The following MARK1 variants were observed in gnomAD, a reference collection of about 807,000 sequenced individuals.
MARK1 encodes the protein microtubule affinity regulating kinase 1, also known as serine/threonine-protein kinase MARK1.
A neutral mutation model predicts 96.3 loss-of-function variants in MARK1; 40 were observed. That is an observed-to-expected ratio of 0.42 (90% confidence interval 0.32 to 0.54). The LOEUF (loss-of-function observed/expected upper bound fraction) is 0.54, where lower values mean the gene tolerates loss of function less well. Among genes scored for constraint, MARK1 ranks in the 20% least tolerant of loss-of-function variants. The pLI is 0.16. For synonymous variants in MARK1, 317 were observed against 341.2 expected, an observed-to-expected ratio of 0.93 and a Z score of 0.78; for missense variants, 719 against 984.6, an observed-to-expected ratio of 0.73 and a Z score of 3.61.
intron 6 of MARK1, among the ~76,000 whole-genome samples, chr1:220,613,598 ATCTT>A (rs1666577826): frequency 6.6e-6 from 1 of 152,198 alleles, no homozygotes; most frequent in Admixed American, 6.5e-5. Flanking sequence ...ATACGAAATA[ATCTT>A]ATAATATGAA....
At chr1:220,649,554 A>G (rs1295024225) in intron 13 of MARK1, among the ~76,000 whole-genome samples, 1 of 152,206 alleles carries the variant, frequency 6.6e-6, no homozygotes, top group Non-Finnish European at 1.5e-5. Context: ...TTACCTAAAC[A>G]TTTTAATAAT....
intron 9 of MARK1, chr1:220,626,514 C>G (rs1667344046): frequency 5.7e-6 from 3 of 521,912 alleles, no homozygotes; most frequent in African/African-American, 1.9e-5. Flanking sequence ...GGTTAGGTTG[C>G]TTCAATCTGA....
chr1:220,543,674 A>G (rs1661294354), intron 1 of MARK1, among the ~76,000 whole-genome samples: 1 of 152,190 alleles, frequency 6.6e-6, no homozygotes, highest in Admixed American at 6.5e-5. Context: ...ATTACCTAGC[A>G]TAGTGTTTGG....
chr1:220,622,808 C>G (rs531619552), intron 9 of MARK1, among the ~76,000 whole-genome samples: 17 of 152,096 alleles, frequency 1.1e-4, no homozygotes, highest in Non-Finnish European at 1.6e-4. Flanking sequence ...TTGCTTGAGC[C>G]CAGGAGGTTG....
At chr1:220,630,859 C>A (rs906139675) in intron 9 of MARK1, among the ~76,000 whole-genome samples, 176 bp from the exon 10 acceptor site, 1 of 152,018 alleles carries the variant, frequency 6.6e-6, no homozygotes, top group Non-Finnish European at 1.5e-5. Flanking sequence ...GGGAGATAGT[C>A]ATAGTTGTTG....
chr1:220,552,560 A>C (rs958122641), intron 1 of MARK1, among the ~76,000 whole-genome samples: 19 of 152,182 alleles, frequency 1.2e-4, no homozygotes, highest in African/African-American at 4.1e-4. Context: ...TCAAAGCATG[A>C]GCCTGCTTTC....
intron 6 of MARK1, among the ~76,000 whole-genome samples, chr1:220,606,565 A>T (rs992420827): frequency 2.0e-5 from 3 of 152,114 alleles, no homozygotes; most frequent in Admixed American, 6.5e-5. Flanking sequence ...TTTTGTTGCC[A>T]TTGCTTTTGG....
chr1:220,585,098 C>T (rs186506601), intron 3 of MARK1, among the ~76,000 whole-genome samples: 10 of 152,262 alleles, frequency 6.6e-5, no homozygotes, highest in African/African-American at 2.4e-4. Flanking sequence ...TGATGAAATA[C>T]CCCTAGAGCT....
At chr1:220,599,906 A>C in intron 5 of MARK1, 43 bp downstream of exon 5, 1 of 1,361,962 alleles carries the variant, frequency 7.3e-7, no homozygotes, top group South Asian at 1.3e-5. Flanking sequence ...GCTGAGACAT[A>C]CAGAAATGTT....
At chr1:220,598,268 A>G (rs190407699) in intron 3 of MARK1, 63 bp from the exon 4 acceptor site, 75 of 510,300 alleles carry the variant, frequency 1.5e-4, no homozygotes, top group Admixed American at 6.2e-4. Flanking sequence ...TAAATATTTT[A>G]ATTGGCTCTC....
chr1:220,532,940 A>C (rs1016278926), intron 1 of MARK1, among the ~76,000 whole-genome samples: 12 of 151,964 alleles, frequency 7.9e-5, no homozygotes, highest in Non-Finnish European at 1.8e-4. Context: ...AGCCGAGGAG[A>C]TAAAGGCTAC....
At chr1:220,564,209 A>G (rs1662885726) in intron 1 of MARK1, among the ~76,000 whole-genome samples, 1 of 152,130 alleles carries the variant, frequency 6.6e-6, no homozygotes, top group Non-Finnish European at 1.5e-5. Flanking sequence ...ATGTGTTTTT[A>G]GTCTGTAACT....
chr1:220,549,933 A>G (rs921513533), intron 1 of MARK1, among the ~76,000 whole-genome samples: 2 of 152,250 alleles, frequency 1.3e-5, no homozygotes, highest in African/African-American at 4.8e-5. Flanking sequence ...TCAAAGAAGC[A>G]AGGAATCAAA....
At chr1:220,602,063 C>G (rs1238864899) in intron 5 of MARK1, among the ~76,000 whole-genome samples, 2 of 152,140 alleles carry the variant, frequency 1.3e-5, no homozygotes, top group Non-Finnish European at 2.9e-5. Context: ...AAATAAAACA[C>G]TAAATATTTT....
chr1:220,547,858 G>C (rs1240441695), intron 1 of MARK1, among the ~76,000 whole-genome samples: 1 of 152,126 alleles, frequency 6.6e-6, no homozygotes, highest in Non-Finnish European at 1.5e-5. Flanking sequence ...GAGCCACCGC[G>C]CACAACCTCT....
At chr1:220,582,543 A>G (rs754139094) in intron 3 of MARK1, among the ~76,000 whole-genome samples, 2 of 144,940 alleles carry the variant, frequency 1.4e-5, no homozygotes, top group African/African-American at 5.0e-5. Context: ...TAGCTTTTCT[A>G]CTTTTCCTGG....
rs896444467 is a variant in MARK1 at position 220,652,011 on chromosome 1, A to G, written c.1597A>G (p.Ile533Val). The G allele has an allele frequency of 2.5e-6, 4 of 1,608,512 alleles. No individual in the cohort carries two copies. Among genetic ancestry groups the G allele is most frequent in the East Asian group, 2.2e-5 (1 of 44,798 alleles). Reference sequence around the variant, plus strand: ...CCTTACGGAGATGTCTGTGAGTAGCATATCTTCTGCAGGCTCTTCTGTGGC... The same window carrying G: ...CCTTACGGAGATGTCTGTGAGTAGCGTATCTTCTGCAGGCTCTTCTGTGGC... ...SSLTEMSVSSISSAGSSVASA... is the reference protein window; with the variant it reads ...SSLTEMSVSSVSSAGSSVASA... The change falls in exon 15 of 18, where the codon ATA (isoleucine) becomes GTA (valine). Residue 533 changes from isoleucine (I) to valine (V), a missense_variant. Coordinates refer to ENST00000366917, the MANE Select transcript of MARK1 (RefSeq NM_018650.5).
chr1:220,620,356 A>G (rs993103062), intron 9 of MARK1, among the ~76,000 whole-genome samples: 29 of 152,296 alleles, frequency 1.9e-4, no homozygotes, highest in Middle Eastern at 6.8e-3. Flanking sequence ...TTTGACTCTC[A>G]TATCAGTTCT....
chr1:220,568,196 A>T (rs963488228), intron 1 of MARK1, among the ~76,000 whole-genome samples: 1 of 152,248 alleles, frequency 6.6e-6, no homozygotes, highest in African/African-American at 2.4e-5. Flanking sequence ...CTTTGTTCTT[A>T]TGAGGGTGAG....
Sources: allele counts gnomAD v4.1 joint callset (sites outside exome capture counted in the v4.1 genomes callset), GRCh38; gene constraint gnomAD v4.1.1; transcripts MANE v1.5; gene names NCBI Gene and HGNC (gene_info 2026-07-23, HGNC 2026-07-21).